Variants in LCORL observed in about 807,000 individuals in gnomAD.
LCORL encodes the protein ligand dependent nuclear receptor corepressor like, also known as ligand-dependent nuclear receptor corepressor-like protein.
LCORL carries 41 observed loss-of-function variants against 141.8 expected under a neutral mutation model. That is an observed-to-expected ratio of 0.29 (90% CI 0.23 to 0.38). LCORL has a LOEUF of 0.38. Ranked by LOEUF, LCORL falls within the 10% of genes least tolerant of loss-of-function variation. LCORL has a pLI of 1.00. For synonymous variants in LCORL, 618 were observed against 694.1 expected, an observed-to-expected ratio of 0.89 and a Z score of 1.72; for missense variants, 1,759 against 2,035.0, an observed-to-expected ratio of 0.86 and a Z score of 2.61.
exon 3 of LCORL, chr4:17,963,028 G>A: frequency 1.3e-6 from 2 of 1,593,668 alleles, no homozygotes; most frequent in South Asian, 1.1e-5. Context: ...AGACCAGTCA[G>A]TCAGCTCTTC....
chr4:18,013,090 T>G (rs926129140), intron 1 of LCORL, among the ~76,000 whole-genome samples: 1 of 152,194 alleles, frequency 6.6e-6, no homozygotes, highest in Non-Finnish European at 1.5e-5. Context: ...AAAAACAATG[T>G]ACACTTCCCT....
At chr4:17,866,604 AAAG>A (rs1166672031) in intron 7 of LCORL, among the ~76,000 whole-genome samples, 1 of 152,212 alleles carries the variant, frequency 6.6e-6, no homozygotes, top group Non-Finnish European at 1.5e-5. Flanking sequence ...GGAGAAGGAA[AAAG>A]AAGCCAAGGT....
chr4:17,846,034 A>T (rs1722889252), intron 7 of LCORL, 133 bp from the exon 8 acceptor site: 1 of 679,504 alleles, frequency 1.5e-6, no homozygotes, highest in Non-Finnish European at 2.5e-6. Context: ...TTATCCTGAA[A>T]ATACAACAGT....
At chr4:17,975,791 A>T (rs562936394) in intron 1 of LCORL, among the ~76,000 whole-genome samples, 1 of 152,288 alleles carries the variant, frequency 6.6e-6, no homozygotes, top group South Asian at 2.1e-4. Flanking sequence ...ATAGCATATG[A>T]TATACACTGG....
At chr4:17,938,221 G>A (rs1178376146) in intron 4 of LCORL, among the ~76,000 whole-genome samples, 2 of 151,050 alleles carry the variant, frequency 1.3e-5, no homozygotes, top group South Asian at 2.1e-4. Flanking sequence ...TGGTCAGGCT[G>A]GTCTCGAACT....
At chr4:17,986,480 C>A (rs1276899722) in intron 1 of LCORL, among the ~76,000 whole-genome samples, 14 of 150,686 alleles carry the variant, frequency 9.3e-5, no homozygotes, top group Non-Finnish European at 1.8e-4. Context: ...TTTATTTTGT[C>A]TGACTGTCTT....
chr4:18,005,858 T>C (rs1722716311), intron 1 of LCORL, among the ~76,000 whole-genome samples: 1 of 152,186 alleles, frequency 6.6e-6, no homozygotes, highest in Admixed American at 6.5e-5. Flanking sequence ...TCTGGGCCTG[T>C]GATGGCAGGG....
intron 7 of LCORL, among the ~76,000 whole-genome samples, chr4:17,848,844 G>A (rs930409215): frequency 1.5e-4 from 23 of 152,196 alleles, no homozygotes; most frequent in African/African-American, 3.9e-4. Context: ...GTGCTTTTCC[G>A]ACGGGCTTAA....
intron 4 of LCORL, among the ~76,000 whole-genome samples, chr4:17,932,656 G>A (rs1478133039): frequency 6.6e-6 from 1 of 152,106 alleles, no homozygotes; most frequent in Admixed American, 6.6e-5. Context: ...AGCAAGCAGG[G>A]GGACATACGT....
intron 6 of LCORL, chr4:17,883,077 C>T: frequency 1.0e-6 from 1 of 972,812 alleles, no homozygotes; most frequent in Non-Finnish European, 1.2e-6. Context: ...CTTGCTAAAT[C>T]AACTATTAAA....
chr4:17,892,197 A>ATTTTT (rs770471544), intron 5 of LCORL, among the ~76,000 whole-genome samples: 7 of 119,696 alleles, frequency 5.8e-5, no homozygotes, highest in Admixed American at 8.3e-5. Flanking sequence ...GTCAAATAGT[A>ATTTTT]TTTTTTTTTT....
At chr4:17,952,061 GTTC>G (rs1739811114) in intron 4 of LCORL, among the ~76,000 whole-genome samples, 6 of 152,080 alleles carry the variant, frequency 3.9e-5, no homozygotes, top group Admixed American at 3.9e-4. Flanking sequence ...GCACATATTA[GTTC>G]TTCTGTTACT....
chr4:17,946,434 T>C (rs1366984096), intron 4 of LCORL, among the ~76,000 whole-genome samples: 1 of 152,042 alleles, frequency 6.6e-6, no homozygotes. Flanking sequence ...ACCTAAAATA[T>C]ATAATTTAGT....
chr4:17,845,601 A>G (rs1328792088), exon 8 of LCORL: 1 of 589,338 alleles, frequency 1.7e-6, no homozygotes, highest in Non-Finnish European at 2.8e-6. Context: ...ATTAATGCTA[A>G]TGATTTAATA....
At chr4:17,967,464 G>A (rs1004201077) in intron 2 of LCORL, among the ~76,000 whole-genome samples, 2 of 152,078 alleles carry the variant, frequency 1.3e-5, no homozygotes, top group East Asian at 3.8e-4. Flanking sequence ...AATATACAGG[G>A]ACCTGAAGGC....
At chr4:18,017,581 C>T (rs114040359) in intron 1 of LCORL, among the ~76,000 whole-genome samples, 53 of 152,190 alleles carry the variant, frequency 3.5e-4, no homozygotes, top group African/African-American at 1.1e-3. Context: ...GAGAAAGCAA[C>T]AGATAAATTC....
chr4:17,925,115 C>T (rs1242700696), intron 4 of LCORL, among the ~76,000 whole-genome samples: 1 of 152,138 alleles, frequency 6.6e-6, no homozygotes, highest in Non-Finnish European at 1.5e-5. Flanking sequence ...CACAATTATT[C>T]CATGAAACTG....
At chr4:17,891,319 G>C (rs1182785569) in intron 5 of LCORL, among the ~76,000 whole-genome samples, 1 of 151,918 alleles carries the variant, frequency 6.6e-6, no homozygotes, top group Non-Finnish European at 1.5e-5. Context: ...GTCCAGACTG[G>C]GCAACATAGT....
At chr4:17,962,756 A>T (rs1461579691) in intron 3 of LCORL, among the ~76,000 whole-genome samples, 1 of 137,412 alleles carries the variant, frequency 7.3e-6, no homozygotes, top group Non-Finnish European at 1.5e-5. Flanking sequence ...ATAAATAAGT[A>T]AAAAAAAAGA....
Sources: allele counts gnomAD v4.1 joint callset (sites outside exome capture counted in the v4.1 genomes callset), GRCh38; gene constraint gnomAD v4.1.1; transcripts MANE v1.5; gene names NCBI Gene and HGNC (gene_info 2026-07-23, HGNC 2026-07-21).